The following STAG1 variants were observed in gnomAD, a reference collection of about 807,000 sequenced individuals.
STAG1 encodes the protein cohesin subunit SA-1.
In STAG1, 26 loss-of-function variants were observed where a neutral mutation model predicts 170.9. The ratio of observed to expected loss-of-function variants is 0.15; its 90% CI spans 0.11 to 0.21. STAG1 has a LOEUF of 0.21. STAG1 is among the 10% of genes least tolerant of loss of function. The pLI is 1.00. For missense variants in STAG1, 964 were observed against 1,509.5 expected, an observed-to-expected ratio of 0.64 and a Z score of 5.99; for synonymous variants, 514 against 497.7, an observed-to-expected ratio of 1.03 and a Z score of -0.44.
At chr3:136,638,730 T>G (rs1325094862) in intron 1 of STAG1, among the ~76,000 whole-genome samples, 1 of 151,888 alleles carries the variant, frequency 6.6e-6, no homozygotes, top group South Asian at 2.1e-4. Context: ...TGGTGAAAAC[T>G]CGTCTCTGCT....
intron 25 of STAG1, among the ~76,000 whole-genome samples, chr3:136,365,938 C>CCCATTT (rs1391501939): frequency 6.6e-6 from 1 of 151,518 alleles, no homozygotes; most frequent in Non-Finnish European, 1.5e-5. Context: ...TGTCTTCCTT[C>CCCATTT]CCATGCTCAT....
At chr3:136,714,939 ATATATATATATATATATATATATATTT>A (rs1232286150) in intron 1 of STAG1, among the ~76,000 whole-genome samples, 25 of 53,452 alleles carry the variant, frequency 4.7e-4, no homozygotes, top group Middle Eastern at 7.2e-3. Flanking sequence ...TATATATTAA[ATATATATATATATATATATATATATTT>A]TATATATATA....
At chr3:136,393,194 C>A in intron 22 of STAG1, among the ~76,000 whole-genome samples, 1 of 152,072 alleles carries the variant, frequency 6.6e-6, no homozygotes, top group East Asian at 1.9e-4. Flanking sequence ...ATACATTTAA[C>A]ATATATAAAA....
chr3:136,728,170 CA>C (rs1367817876), intron 1 of STAG1, among the ~76,000 whole-genome samples: 2 of 151,578 alleles, frequency 1.3e-5, no homozygotes, highest in African/African-American at 4.9e-5. Context: ...AAAAAAAAAT[CA>C]AAAACAAAAA....
At chr3:136,534,294 A>G (rs1467286187) in intron 6 of STAG1, among the ~76,000 whole-genome samples, 1 of 152,218 alleles carries the variant, frequency 6.6e-6, no homozygotes, top group African/African-American at 2.4e-5. Flanking sequence ...TGAACCTATA[A>G]AACTAGTAGA....
intron 1 of STAG1, among the ~76,000 whole-genome samples, chr3:136,646,995 T>A (rs1021024473): frequency 6.6e-6 from 1 of 152,144 alleles, no homozygotes; most frequent in Admixed American, 6.5e-5. Context: ...TAATGAATGT[T>A]TGAGATGATA....
intron 4 of STAG1, among the ~76,000 whole-genome samples, chr3:136,586,253 CAT>C (rs201584473): frequency 2.9e-5 from 4 of 137,658 alleles, no homozygotes; most frequent in African/African-American, 1.1e-4. Context: ...TATACATATA[CAT>C]ATACACACAC....
intron 1 of STAG1, among the ~76,000 whole-genome samples, chr3:136,690,078 A>G (rs1275901235): frequency 6.6e-6 from 1 of 150,428 alleles, no homozygotes; most frequent in African/African-American, 2.4e-5. Flanking sequence ...AAAAAAAAAA[A>G]AGTAAAGAAA....
At chr3:136,546,392 G>A (rs1936156754) in intron 5 of STAG1, among the ~76,000 whole-genome samples, 1 of 152,040 alleles carries the variant, frequency 6.6e-6, no homozygotes, top group African/African-American at 2.4e-5. Context: ...ATGTATTTTT[G>A]TAGAGAAAGT....
chr3:136,632,911 C>A (rs2107839837), intron 1 of STAG1, among the ~76,000 whole-genome samples: 1 of 151,958 alleles, frequency 6.6e-6, no homozygotes, highest in East Asian at 1.9e-4. Context: ...TTTTGGGTGC[C>A]AATTCTTTAG....
In STAG1 at chr3:136,584,305, C is replaced by T. The variant is rs755891290; in HGVS notation, c.298-15444G>A. On this transcript the variant is annotated intron_variant, in intron 4 of 33. Transcript: ENST00000383202. ...TATACATTCAACCAGTTCACAAAAC[C>T]TCCTTGGCCCTTATCTAAAACTGGG... Among the ~76,000 whole-genome samples, 73 of 152,158 alleles carry T rather than the reference C, an allele frequency of 4.8e-4. 1 individual carries two copies. Among genetic ancestry groups the T allele is most frequent in the South Asian group, 1.2e-3 (6 of 4,820 alleles).
intron 1 of STAG1, among the ~76,000 whole-genome samples, chr3:136,649,435 C>T (rs564547023): frequency 3.5e-4 from 51 of 147,234 alleles, no homozygotes; most frequent in African/African-American, 1.2e-3. Context: ...GTGGAGATGG[C>T]GCCACTGTAC....
intron 2 of STAG1, among the ~76,000 whole-genome samples, chr3:136,626,170 G>A (rs918837268): frequency 1.3e-5 from 2 of 152,224 alleles, no homozygotes; most frequent in African/African-American, 4.8e-5. Context: ...GCTCATGCCT[G>A]TAATCCCAGC....
At chr3:136,683,360 T>A (rs1362211051) in intron 1 of STAG1, among the ~76,000 whole-genome samples, 1 of 151,828 alleles carries the variant, frequency 6.6e-6, no homozygotes, top group African/African-American at 2.4e-5. Flanking sequence ...TCCTCCTGGG[T>A]TCAAGTGATT....
At chr3:136,663,920 G>C (rs879748657) in intron 1 of STAG1, among the ~76,000 whole-genome samples, 5 of 152,128 alleles carry the variant, frequency 3.3e-5, no homozygotes, top group Non-Finnish European at 5.9e-5. Context: ...TAGTGGTTTA[G>C]GTCTTCCCAA....
At position 136,361,604 on chromosome 3, in the gene STAG1, T is replaced by C. The variant is rs144596964; in HGVS notation, c.2787+1762A>G. 1.4e-3 allele frequency among the ~76,000 whole-genome samples: 215 copies of C among 152,290 alleles called. No homozygotes were observed. In the East Asian group the frequency reaches 0.034, roughly 24 times the overall value. On this transcript the variant is annotated intron_variant, in intron 26 of 33. Coordinates refer to ENST00000383202, the MANE Select transcript of STAG1 (RefSeq NM_005862.3). ...GTAAGTATCCATTTTAATTTGTATTTCATTAATAATAATTATTATTATTAG... is the reference window on the plus strand; with the variant it reads ...GTAAGTATCCATTTTAATTTGTATTCCATTAATAATAATTATTATTATTAG...
At chr3:136,414,608 G>A (rs981690400) in intron 21 of STAG1, among the ~76,000 whole-genome samples, 2 of 152,104 alleles carry the variant, frequency 1.3e-5, no homozygotes, top group Non-Finnish European at 2.9e-5. Flanking sequence ...AATGTTGATA[G>A]TTGGACCTCC....
At chr3:136,518,413 G>A in intron 7 of STAG1, 1 of 699,798 alleles carries the variant, frequency 1.4e-6, no homozygotes, top group South Asian at 1.5e-5. Flanking sequence ...CCCAAGACTT[G>A]TCCTGCAAAG....
At chr3:136,690,266 T>C (rs1346717609) in intron 1 of STAG1, among the ~76,000 whole-genome samples, 1 of 152,154 alleles carries the variant, frequency 6.6e-6, no homozygotes, top group Non-Finnish European at 1.5e-5. Context: ...AGAGAGAGTC[T>C]CACTCTGTTG....
Sources: gnomAD v4.1 joint callset for allele counts (sites outside exome capture counted in the v4.1 genomes callset) on GRCh38, gnomAD v4.1.1 for gene constraint, MANE v1.5 for transcripts, NCBI Gene and HGNC (gene_info 2026-07-23, HGNC 2026-07-21) for gene names.